Variants in NRG1 observed in about 807,000 individuals in gnomAD.
NRG1 encodes neuregulin 1.
Under a neutral mutation model 63.8 loss-of-function variants are expected in NRG1, and 18 were observed. The ratio of observed to expected loss-of-function variants is 0.28; its 90% CI spans 0.19 to 0.42. The LOEUF (loss-of-function observed/expected upper bound fraction) is 0.42, where lower values mean the gene tolerates loss of function less well. NRG1 is among the 10% of genes least tolerant of loss of function. The probability of loss-of-function intolerance (pLI) is 1.00; values close to 1 mark genes in which losing one functional copy is unlikely to be tolerated. For synonymous variants in NRG1, 302 were observed against 301.3 expected (o/e 1.00, Z -0.02); for missense variants, 762 against 814.7 (o/e 0.94, Z 0.79).
intron 1 of NRG1, among the ~76,000 whole-genome samples, chr8:32,324,895 A>G (rs950416912): frequency 6.6e-6 from 1 of 152,180 alleles, no homozygotes; most frequent in South Asian, 2.1e-4. Context: ...TGAGAAATCT[A>G]CATAAATCTC....
intron 1 of NRG1, among the ~76,000 whole-genome samples, chr8:32,451,806 C>T (rs12676317): frequency 0.75 from 114,062 of 151,824 alleles, 43,145 homozygotes; most frequent in East Asian, 0.89. Context: ...GGATGAAGTT[C>T]AGGTGTTCAC....
At chr8:31,814,416 G>A (rs1473508743) in intron 1 of NRG1, among the ~76,000 whole-genome samples, 1 of 152,024 alleles carries the variant, frequency 6.6e-6, no homozygotes, top group East Asian at 1.9e-4. Context: ...TGTGCTATAG[G>A]GTGACTTGAA....
At chr8:31,725,492 A>G (rs1029824982) in intron 1 of NRG1, among the ~76,000 whole-genome samples, 4 of 152,126 alleles carry the variant, frequency 2.6e-5, no homozygotes, top group Non-Finnish European at 5.9e-5. Flanking sequence ...GCAAAAACAA[A>G]TGTTTCAAAG....
At chr8:32,485,997 A>G (rs1318721344) in intron 1 of NRG1, among the ~76,000 whole-genome samples, 2 of 151,912 alleles carry the variant, frequency 1.3e-5, no homozygotes, top group Admixed American at 1.3e-4. Context: ...GAGTGATCTC[A>G]GCTCACTGCA....
intron 7 of NRG1, among the ~76,000 whole-genome samples, chr8:32,748,479 G>T (rs1462925351): frequency 6.6e-6 from 1 of 152,066 alleles, no homozygotes; most frequent in African/African-American, 2.4e-5. Flanking sequence ...CATCCCTGGA[G>T]ATTTTTTATT....
At chr8:31,745,937 T>C (rs1047131520) in intron 1 of NRG1, among the ~76,000 whole-genome samples, 40 of 151,922 alleles carry the variant, frequency 2.6e-4, no homozygotes, top group African/African-American at 9.4e-4. Context: ...ATCACGAGAT[T>C]ACCACAGATA....
In NRG1 at chr8:32,459,800, G is replaced by A. The variant is rs187055070; in HGVS notation, c.38-136028G>A. On this transcript the variant is annotated intron_variant, in intron 1 of 10. Coordinates refer to the NRG1 transcript ENST00000519301. The stretch of plus-strand genomic sequence containing the variant: ...GGACTGCAGTTATTGCTGTTCCTCC[G>A]AACTACAGGCCTTAGGGCCTTTGCA... Among the ~76,000 whole-genome samples, 4 of 152,140 alleles carry A rather than the reference G, an allele frequency of 2.6e-5. No individual in the cohort carries two copies. In the East Asian group the frequency reaches 7.7e-4, roughly 29 times the overall value.
intron 1 of NRG1, among the ~76,000 whole-genome samples, chr8:32,242,871 G>A (rs764770371): frequency 6.6e-6 from 1 of 152,090 alleles, no homozygotes; most frequent in African/African-American, 2.4e-5. Flanking sequence ...CCAGTGTATT[G>A]GTTTGCTAGG....
Position 31,987,312 on chromosome 8 carries a change from AC to A in NRG1, c.37+347882del, listed in dbSNP as rs61701038. Among the ~76,000 whole-genome samples, 649 of 112,882 alleles carry A rather than the reference AC, an allele frequency of 5.7e-3. 5 individuals are homozygous for A. Among genetic ancestry groups the A allele is most frequent in the African/African-American group, 0.027 (581 of 21,666 alleles). The allele number at this position is 112,882 out of a possible 152,430, so 74.1% of individuals were successfully genotyped here. A position where few individuals can be genotyped will look rare whatever the true frequency, so the allele number is the denominator to read the frequency against. On this transcript the variant is annotated intron_variant, in intron 1 of 10. Coordinates refer to the NRG1 transcript ENST00000519301. ...AGACTGTCTCAAAAAAAAAAAAAAA[AC>A]ATATATATGTGTGTGTGTGTGTGTG... is the stretch of plus-strand genomic sequence containing the variant.
intron 8 of NRG1, among the ~76,000 whole-genome samples, chr8:32,754,801 G>A (rs1829382789): frequency 6.6e-6 from 1 of 151,984 alleles, no homozygotes; most frequent in African/African-American, 2.4e-5. Context: ...GGAGAGGGAG[G>A]GTACCAGAAG....
At chr8:32,193,462 T>C (rs530564937) in intron 1 of NRG1, among the ~76,000 whole-genome samples, 6 of 152,276 alleles carry the variant, frequency 3.9e-5, no homozygotes, top group Non-Finnish European at 8.8e-5. Context: ...TCTACACTAA[T>C]GGAGTGCTGA....
At chr8:31,668,729 A>G (rs1035697168) in intron 1 of NRG1, among the ~76,000 whole-genome samples, 16 of 152,322 alleles carry the variant, frequency 1.1e-4, no homozygotes, top group African/African-American at 3.8e-4. Flanking sequence ...TGTGAAAAGT[A>G]TGTTTTCTAT....
At chr8:32,445,091 A>T (rs1207308410) in intron 1 of NRG1, among the ~76,000 whole-genome samples, 1 of 152,204 alleles carries the variant, frequency 6.6e-6, no homozygotes, top group Non-Finnish European at 1.5e-5. Flanking sequence ...GTTCCTCTGT[A>T]TCCATGACAG....
intron 1 of NRG1, among the ~76,000 whole-genome samples, chr8:31,849,552 C>T (rs1017143814): frequency 5.9e-5 from 9 of 152,204 alleles, no homozygotes; most frequent in East Asian, 1.9e-4. Context: ...TTTATCCTTG[C>T]CCCCTATTTC....
chr8:32,738,908 T>C (rs997341706), intron 6 of NRG1, among the ~76,000 whole-genome samples: 3 of 152,346 alleles, frequency 2.0e-5, no homozygotes, highest in Admixed American at 1.3e-4. Context: ...CCTCAACGAT[T>C]GTCTTAAAAA....
At chr8:32,163,449 C>CA (rs1203363308) in intron 1 of NRG1, among the ~76,000 whole-genome samples, 3 of 151,996 alleles carry the variant, frequency 2.0e-5, no homozygotes, top group Admixed American at 1.3e-4. Context: ...ATAAAACCTG[C>CA]AAAAAACACA....
In NRG1 at chr8:32,760,234, G is replaced by A. The variant is rs61731510; in HGVS notation, c.1087G>A (p.Glu363Lys). Residue 363 changes from glutamate (E) to lysine (K), a missense_variant, in exon 11 of 12, where the codon GAA becomes AAA. Around this residue, in one of 3 missense-constraint regions of NRG1, gnomAD observed 503 missense variants for 506.8 expected, o/e 0.99. Coordinates refer to ENST00000356819, the Ensembl canonical transcript of NRG1. ...CGGACACACTGAAAGCATCCTTTCC[G>A]AAAGCCACTCTGTAATCGTGATGTC... 6.7e-3 allele frequency: 10,798 copies of A among 1,613,870 alleles called. 674 individuals are homozygous for A. The African/African-American group carries it at 0.13, about 19-fold the overall frequency.
At chr8:32,067,846 A>G (rs1369572947) in intron 1 of NRG1, among the ~76,000 whole-genome samples, 1 of 152,216 alleles carries the variant, frequency 6.6e-6, no homozygotes, top group Non-Finnish European at 1.5e-5. Context: ...AAAGAAAAAA[A>G]TCCCCTTTTT....
At chr8:31,928,516 G>A (rs964466495) in intron 1 of NRG1, among the ~76,000 whole-genome samples, 2 of 152,042 alleles carry the variant, frequency 1.3e-5, no homozygotes, top group African/African-American at 4.8e-5. Context: ...CAAAGGGAAG[G>A]AAGTTGCTTT....
Sources: gnomAD v4.1 joint callset for allele counts (sites outside exome capture counted in the v4.1 genomes callset) on GRCh38, gnomAD v4.1.1 for gene constraint, gnomAD v4.1.1 regional missense constraint, MANE v1.5 for transcripts, NCBI Gene and HGNC (gene_info 2026-07-23, HGNC 2026-07-21) for gene names.